SLC25A21: variants seen among roughly 807,000 people sequenced by gnomAD.
SLC25A21 encodes the protein mitochondrial 2-oxodicarboxylate carrier.
Under a neutral mutation model 43.8 loss-of-function variants are expected in SLC25A21, and 47 were observed. That is an observed-to-expected ratio of 1.07 (90% CI 0.85 to 1.37). The LOEUF (loss-of-function observed/expected upper bound fraction) is 1.37. SLC25A21 is among the 40% of genes most tolerant of loss of function. SLC25A21 has a pLI of 0.00. For synonymous variants in SLC25A21, 131 were observed against 121.3 expected (o/e 1.08, Z -0.52); for missense variants, 352 against 350.2 (o/e 1.00, Z -0.04).
At chr14:36,922,451 G>C (rs953757772) in intron 1 of SLC25A21, among the ~76,000 whole-genome samples, 3 of 151,996 alleles carry the variant, frequency 2.0e-5, no homozygotes, top group Non-Finnish European at 2.9e-5. Context: ...GCTCAGGAAG[G>C]CCAAGGCAGC....
chr14:37,031,696 TA>T (rs1331338117), intron 1 of SLC25A21, among the ~76,000 whole-genome samples: 2 of 152,164 alleles, frequency 1.3e-5, no homozygotes, highest in African/African-American at 4.8e-5. Context: ...TGTAGTAAAA[TA>T]TTCACTCCTA....
At chr14:36,735,528 C>T (rs1246947971) in intron 3 of SLC25A21, among the ~76,000 whole-genome samples, 1 of 148,624 alleles carries the variant, frequency 6.7e-6, no homozygotes, top group Non-Finnish European at 1.5e-5. Context: ...TTCTCTGATT[C>T]ACCCCCCAAG....
intron 1 of SLC25A21, among the ~76,000 whole-genome samples, chr14:36,941,842 T>C (rs1892566951): frequency 6.6e-6 from 1 of 152,008 alleles, no homozygotes; most frequent in African/African-American, 2.4e-5. Context: ...TGTCTTTATT[T>C]GAAATATTCT....
chr14:36,740,557 A>G (rs1885210791), intron 3 of SLC25A21, among the ~76,000 whole-genome samples: 1 of 152,216 alleles, frequency 6.6e-6, no homozygotes, highest in Non-Finnish European at 1.5e-5. Flanking sequence ...AAGACAGCTC[A>G]CACATAGCTT....
chr14:36,718,509 T>TTC (rs34338805), intron 6 of SLC25A21, among the ~76,000 whole-genome samples: 2 of 151,832 alleles, frequency 1.3e-5, no homozygotes, highest in South Asian at 4.1e-4. Context: ...ATAACTCAAC[T>TTC]TCTCTCTCTC....
At chr14:36,914,048 C>T (rs1159882703) in intron 1 of SLC25A21, among the ~76,000 whole-genome samples, 1 of 152,144 alleles carries the variant, frequency 6.6e-6, no homozygotes, top group Non-Finnish European at 1.5e-5. Context: ...ACTTTTCCAA[C>T]TCAAATCTAC....
At chr14:36,989,623 A>C (rs1418256205) in intron 1 of SLC25A21, among the ~76,000 whole-genome samples, 1 of 152,120 alleles carries the variant, frequency 6.6e-6, no homozygotes, top group Non-Finnish European at 1.5e-5. Context: ...CCAGGAAAAA[A>C]ATGCCTACCC....
At chr14:36,756,476 AGTC>A (rs1018059271) in intron 3 of SLC25A21, among the ~76,000 whole-genome samples, 7 of 152,196 alleles carry the variant, frequency 4.6e-5, no homozygotes, top group Non-Finnish European at 1.0e-4. Context: ...ATGAGATTTG[AGTC>A]AAGTGTTCTC....
chr14:37,123,161 G>T (rs567069627), intron 1 of SLC25A21, among the ~76,000 whole-genome samples: 37 of 152,128 alleles, frequency 2.4e-4, no homozygotes. Flanking sequence ...AATACTTCAA[G>T]GTTATTGCTT....
chr14:36,739,825 G>C (rs1394895615), intron 3 of SLC25A21, among the ~76,000 whole-genome samples: 1 of 152,132 alleles, frequency 6.6e-6, no homozygotes, highest in Non-Finnish European at 1.5e-5. Context: ...TTAGAGAGGT[G>C]AGTCCTCCTC....
chr14:36,768,206 T>TAA (rs986864116), intron 3 of SLC25A21, among the ~76,000 whole-genome samples: 2 of 152,168 alleles, frequency 1.3e-5, no homozygotes, highest in African/African-American at 4.8e-5. Context: ...GGCAGAAGCC[T>TAA]AACTTGTTGA....
At chr14:36,695,192 G>C (rs927177263) in intron 7 of SLC25A21, among the ~76,000 whole-genome samples, 1 of 152,016 alleles carries the variant, frequency 6.6e-6, no homozygotes, top group African/African-American at 2.4e-5. Flanking sequence ...TCTTGTTTTT[G>C]TCAGGTTTGT....
chr14:37,100,867 CA>C (rs1441769558), intron 1 of SLC25A21, among the ~76,000 whole-genome samples: 1 of 152,146 alleles, frequency 6.6e-6, no homozygotes, highest in African/African-American at 2.4e-5. Context: ...GGTTGTAGAA[CA>C]CAATTTATAT....
intron 1 of SLC25A21, among the ~76,000 whole-genome samples, chr14:36,896,521 G>T (rs998149227): frequency 2.6e-5 from 4 of 152,100 alleles, no homozygotes; most frequent in Non-Finnish European, 1.5e-5. Context: ...CTTTTAATTG[G>T]AGCATTTAGC....
At chr14:36,990,568 T>G (rs1960240721) in intron 1 of SLC25A21, among the ~76,000 whole-genome samples, 1 of 152,120 alleles carries the variant, frequency 6.6e-6, no homozygotes, top group Non-Finnish European at 1.5e-5. Flanking sequence ...TACAAAATAT[T>G]ACTCTAATTT....
chr14:36,990,566 A>G (rs1044715697), intron 1 of SLC25A21, among the ~76,000 whole-genome samples: 4 of 152,146 alleles, frequency 2.6e-5, no homozygotes, highest in African/African-American at 9.7e-5. Context: ...AGTACAAAAT[A>G]TTACTCTAAT....
intron 7 of SLC25A21, among the ~76,000 whole-genome samples, chr14:36,697,739 T>TG (rs1478447925): frequency 1.3e-5 from 1 of 77,360 alleles, no homozygotes; most frequent in Non-Finnish European, 2.3e-5. Flanking sequence ...CAAGCCCTAC[T>TG]TTTTTTTTTT....
intron 1 of SLC25A21, among the ~76,000 whole-genome samples, chr14:37,017,484 C>T (rs553803769): frequency 6.6e-6 from 1 of 152,052 alleles, no homozygotes; most frequent in Non-Finnish European, 1.5e-5. Context: ...AACATCATAA[C>T]AGATGTAATA....
chr14:36,887,455 T>G (rs1890951562), intron 1 of SLC25A21, among the ~76,000 whole-genome samples: 1 of 151,266 alleles, frequency 6.6e-6, no homozygotes, highest in Admixed American at 6.6e-5. Context: ...CCTAGCTACT[T>G]GAGCAGCTGA....
Sources: gnomAD v4.1 joint callset for allele counts (sites outside exome capture counted in the v4.1 genomes callset) on GRCh38, gnomAD v4.1.1 for gene constraint, MANE v1.5 for transcripts, NCBI Gene and HGNC (gene_info 2026-07-23, HGNC 2026-07-21) for gene names.